Variants in RBMS1 observed in about 807,000 individuals in gnomAD.
RBMS1 encodes the protein RNA-binding motif, single-stranded-interacting protein 1.
RBMS1 carries 17 observed loss-of-function variants against 62.3 expected under a neutral mutation model. The ratio of observed to expected loss-of-function variants is 0.27; its 90% CI spans 0.19 to 0.41. RBMS1 has a LOEUF of 0.41. RBMS1 is among the 10% of genes least tolerant of loss of function. The probability of loss-of-function intolerance (pLI) is 1.00; values close to 1 mark genes in which losing one functional copy is unlikely to be tolerated. For synonymous variants in RBMS1, 172 were observed against 170.0 expected, an observed-to-expected ratio of 1.01 and a Z score of -0.09; for missense variants, 334 against 504.5, an observed-to-expected ratio of 0.66 and a Z score of 3.24.
At position 160,284,766 on chromosome 2, in the gene RBMS1, G is replaced by A. The variant is rs756426066; in HGVS notation, c.900+9C>T. 43 of 1,562,882 alleles carry A rather than the reference G, an allele frequency of 2.8e-5. No individual in the cohort carries two copies. The highest frequency in any genetic ancestry group is 3.7e-5 in the Non-Finnish European group (42 of 1,133,436). On this transcript the variant is annotated intron_variant, in intron 9 of 13. Coordinates refer to ENST00000348849, the MANE Select transcript of RBMS1 (RefSeq NM_016836.4). ...GGTTATACTGCTGACGAATCCTAAAGGTACAAACCTGGTAGGCAGATACAG... is the reference window on the plus strand; with the variant it reads ...GGTTATACTGCTGACGAATCCTAAAAGTACAAACCTGGTAGGCAGATACAG...
chr2:160,325,115 G>A (rs1197021268), intron 2 of RBMS1, among the ~76,000 whole-genome samples: 1 of 151,982 alleles, frequency 6.6e-6, no homozygotes, highest in Non-Finnish European at 1.5e-5. Context: ...GGCCAAGCAT[G>A]TTGACAGCTA....
At chr2:160,405,832 C>T (rs959733145) in intron 1 of RBMS1, among the ~76,000 whole-genome samples, 1 of 152,092 alleles carries the variant, frequency 6.6e-6, no homozygotes, top group African/African-American at 2.4e-5. Context: ...GCTAACACCC[C>T]GCCGGGTTTT....
chr2:160,317,625 C>T (rs911742611), intron 3 of RBMS1, among the ~76,000 whole-genome samples: 4 of 152,266 alleles, frequency 2.6e-5, no homozygotes, highest in Middle Eastern at 3.4e-3. Flanking sequence ...GACCTCCCCT[C>T]CCTATTACAA....
intron 1 of RBMS1, among the ~76,000 whole-genome samples, chr2:160,462,734 G>A (rs188182220): frequency 6.6e-6 from 1 of 151,958 alleles, no homozygotes; most frequent in Admixed American, 6.6e-5. Flanking sequence ...TCAGCCTCCC[G>A]AGTAGCTGGG....
At chr2:160,478,312 G>A (rs181777098) in intron 1 of RBMS1, among the ~76,000 whole-genome samples, 4 of 152,324 alleles carry the variant, frequency 2.6e-5, no homozygotes, top group East Asian at 1.9e-4. Flanking sequence ...GGTGAAGGAC[G>A]CTTAAAACAG....
intron 1 of RBMS1, among the ~76,000 whole-genome samples, chr2:160,404,798 C>G (rs748156488): frequency 3.9e-5 from 6 of 152,220 alleles, no homozygotes; most frequent in Non-Finnish European, 7.3e-5. Context: ...CACCTCCTAG[C>G]TCACAAGTTC....
chr2:160,283,579 T>C (rs953396246), intron 9 of RBMS1: 1 of 152,228 alleles, frequency 6.6e-6, no homozygotes, highest in African/African-American at 2.4e-5. Context: ...TTTTAGCGTA[T>C]CTAATCACTT....
intron 6 of RBMS1, among the ~76,000 whole-genome samples, chr2:160,292,256 G>A (rs1688722016): frequency 6.6e-6 from 1 of 152,190 alleles, no homozygotes; most frequent in Non-Finnish European, 1.5e-5. Flanking sequence ...GTTATTCAAT[G>A]TCTCTGGTCT....
At chr2:160,438,329 G>A (rs1262221255) in intron 1 of RBMS1, among the ~76,000 whole-genome samples, 1 of 150,848 alleles carries the variant, frequency 6.6e-6, no homozygotes, top group Non-Finnish European at 1.5e-5. Flanking sequence ...CAGGGTCACA[G>A]GACAATAGTG....
At position 160,311,220 on chromosome 2, in the gene RBMS1, C is replaced by CTATATATCTATATATCTATA. The variant is rs1488544677; in HGVS notation, c.402+1935_402+1936insTATAGATATATAGATATATA. On this transcript the variant is annotated intron_variant, in intron 4 of 13. Transcript: ENST00000348849. ...CAAAAAAAAAAAAAAATCTATCTAT[C>CTATATATCTATATATCTATA]TATCTATCTATCTATATATATATAT... Among the ~76,000 whole-genome samples the CTATATATCTATATATCTATA allele has an allele frequency of 3.9e-3, 329 of 84,868 alleles. 14 individuals are homozygous for CTATATATCTATATATCTATA. Among genetic ancestry groups the CTATATATCTATATATCTATA allele is most frequent in the East Asian group, 0.01 (27 of 2,620 alleles). The allele number at this position is 84,868 out of a possible 152,430, so 55.7% of individuals were successfully genotyped here. A position where few individuals can be genotyped will look rare whatever the true frequency, so the allele number is the denominator to read the frequency against.
chr2:160,380,094 G>A (rs999682506), intron 1 of RBMS1, among the ~76,000 whole-genome samples: 2 of 152,042 alleles, frequency 1.3e-5, no homozygotes, highest in Admixed American at 6.5e-5. Context: ...AATTAGTGAC[G>A]AGTACCCAAA....
chr2:160,399,331 C>A (rs980845580), intron 1 of RBMS1, among the ~76,000 whole-genome samples: 3 of 152,116 alleles, frequency 2.0e-5, no homozygotes. Context: ...ATTTTAAGGG[C>A]TTCCTGTATT....
chr2:160,353,736 G>A (rs2106008737), intron 2 of RBMS1, among the ~76,000 whole-genome samples: 1 of 152,094 alleles, frequency 6.6e-6, no homozygotes, highest in East Asian at 1.9e-4. Context: ...ACTCCAAAAA[G>A]GTCATTTAAC....
At chr2:160,385,289 C>A (rs188921626) in intron 1 of RBMS1, among the ~76,000 whole-genome samples, 2 of 152,254 alleles carry the variant, frequency 1.3e-5, no homozygotes, top group East Asian at 3.9e-4. Context: ...TTAAAATCAG[C>A]CTATACATAT....
intron 1 of RBMS1, among the ~76,000 whole-genome samples, chr2:160,458,745 C>G (rs561147585): frequency 6.6e-6 from 1 of 150,634 alleles, no homozygotes; most frequent in Non-Finnish European, 1.5e-5. Context: ...TGCAGTGAGC[C>G]GAGATCGTGC....
At chr2:160,412,345 A>G (rs1009297993) in intron 1 of RBMS1, among the ~76,000 whole-genome samples, 6 of 152,234 alleles carry the variant, frequency 3.9e-5, no homozygotes, top group African/African-American at 1.4e-4. Flanking sequence ...TAACTTTCAC[A>G]ACAACCTTTG....
chr2:160,439,231 G>A (rs1015351160), intron 1 of RBMS1, among the ~76,000 whole-genome samples: 32 of 151,936 alleles, frequency 2.1e-4, no homozygotes, highest in African/African-American at 7.7e-4. Flanking sequence ...GGTGGCTGCC[G>A]GACGGAGACG....
At chr2:160,361,965 A>G (rs1197798644) in intron 2 of RBMS1, among the ~76,000 whole-genome samples, 1 of 152,198 alleles carries the variant, frequency 6.6e-6, no homozygotes, top group Non-Finnish European at 1.5e-5. Context: ...CGGCTGAAGG[A>G]TGGGATAGCT....
intron 6 of RBMS1, 96 bp from the exon 7 acceptor site, chr2:160,287,180 A>G: frequency 6.7e-7 from 1 of 1,499,504 alleles, no homozygotes; most frequent in East Asian, 2.3e-5. Context: ...TCACGCTATT[A>G]GAAAATTCAT....
Sources: gnomAD v4.1 joint callset for allele counts (sites outside exome capture counted in the v4.1 genomes callset) on GRCh38, gnomAD v4.1.1 for gene constraint, MANE v1.5 for transcripts, NCBI Gene and HGNC (gene_info 2026-07-23, HGNC 2026-07-21) for gene names.